LSG1: variants seen among roughly 807,000 people sequenced by gnomAD.
LSG1 encodes the protein large 60S subunit nuclear export GTPase 1.
A neutral mutation model predicts 82.6 loss-of-function variants in LSG1; 55 were observed. The ratio of observed to expected loss-of-function variants is 0.67; its 90% confidence interval spans 0.54 to 0.83. The LOEUF (loss-of-function observed/expected upper bound fraction) is 0.83, where lower values mean the gene tolerates loss of function less well. Ranked by LOEUF, LSG1 falls within the 40% of genes least tolerant of loss-of-function variation. The pLI is 0.00. For missense variants in LSG1, 809 were observed against 807.9 expected, an observed-to-expected ratio of 1.00 and a Z score of -0.02; for synonymous variants, 272 against 282.5, an observed-to-expected ratio of 0.96 and a Z score of 0.37.
intron 11 of LSG1, 92 bp downstream of exon 11, chr3:194,648,589 G>C: frequency 7.5e-7 from 1 of 1,332,620 alleles, no homozygotes; most frequent in African/African-American, 1.5e-5. Context: ...TATCTTTGCA[G>C]AACAGCAATT....
In LSG1 at chr3:194,642,123, C is replaced by T. The variant is rs1051256038; in HGVS notation, c.1922G>A (p.Gly641Asp). The T allele has an allele frequency of 4.3e-6, 7 of 1,613,690 alleles. No homozygotes were observed. Among genetic ancestry groups the T allele is most frequent in the Non-Finnish European group, 5.9e-6 (7 of 1,180,024 alleles). ...ACTTTTTTCTTTTTTATTTCTGTTG[C>T]CATGTTTTTTCCAGGGCTTCCCCGC... The part of the protein sequence containing the change: ...NGAGKPWKKH[G>D]NRNKKEKSRR... The change falls in exon 14 of 14, where the codon GGC becomes GAC. Residue 641 changes from glycine (G) to aspartate (D), a missense_variant. Physicochemically the swap from Gly to Asp is moderately conservative, Grantham distance 94. Coordinates refer to ENST00000265245, the MANE Select transcript of LSG1 (RefSeq NM_018385.3).
intron 11 of LSG1, among the ~76,000 whole-genome samples, chr3:194,648,075 ATTTTT>A (rs990548703): frequency 1.7e-5 from 2 of 117,932 alleles, no homozygotes; most frequent in African/African-American, 3.2e-5. Context: ...CCACACTGCT[ATTTTT>A]TTTTTTTTTT....
intron 7 of LSG1, among the ~76,000 whole-genome samples, chr3:194,653,641 C>A (rs1160447338): frequency 1.3e-5 from 2 of 152,140 alleles, no homozygotes; most frequent in Non-Finnish European, 2.9e-5. Context: ...AGGGTGGCGC[C>A]CTCCTGGAGG....
chr3:194,670,216 T>C (rs1411335492), intron 1 of LSG1, 81 bp from the exon 2 acceptor site: 4 of 1,466,772 alleles, frequency 2.7e-6, no homozygotes, highest in East Asian at 2.3e-5. Context: ...TCCTTGCAAC[T>C]AGTCTATGGT....
At chr3:194,650,714 A>T (rs1402307480) in intron 10 of LSG1, 167 bp downstream of exon 10, 28 of 636,114 alleles carry the variant, frequency 4.4e-5, no homozygotes, top group Non-Finnish European at 7.1e-5. Context: ...GAAATCAGGA[A>T]ATGAGGTTCT....
At position 194,641,385 on chromosome 3, in the gene LSG1, A is replaced by G. The variant is rs1345651104; in HGVS notation, c.*683T>C. ...ATATGGAGATTTGCTTATTCTGGAC[A>G]TTTTAAATAAGTGGAATAACCAGTG... On this transcript the variant is annotated 3_prime_UTR_variant, in exon 14 of 14. Coordinates refer to ENST00000265245, the MANE Select transcript of LSG1 (RefSeq NM_018385.3). 2 of 152,164 alleles carry G rather than the reference A, an allele frequency of 1.3e-5. No individual in the cohort carries two copies. The highest frequency in any genetic ancestry group is 4.8e-5 in the African/African-American group (2 of 41,438). The allele number at this position is 152,164 out of a possible 1,614,324, so 9.4% of individuals were successfully genotyped here.
rs945560313 is a variant in LSG1, at chr3:194,641,361, T to C, written c.*707A>G. ...AGCAACCACTAATCTACTTCCTCTA[T>C]ATGGAGATTTGCTTATTCTGGACAT... On this transcript the variant is annotated 3_prime_UTR_variant, in exon 14 of 14. Coordinates refer to ENST00000265245, the MANE Select transcript of LSG1 (RefSeq NM_018385.3). The C allele has an allele frequency of 6.6e-6, 1 of 152,172 alleles. No homozygotes were observed. The highest frequency in any genetic ancestry group is 1.5e-5 in the Non-Finnish European group (1 of 68,038). 9.4% of individuals were successfully genotyped at this position (152,172 alleles called of 1,614,324 possible). A position where few individuals can be genotyped will look rare whatever the true frequency, so the allele number is the denominator to read the frequency against.
chr3:194,662,187 G>C (rs1718947499), intron 5 of LSG1, among the ~76,000 whole-genome samples: 1 of 152,226 alleles, frequency 6.6e-6, no homozygotes, highest in African/African-American at 2.4e-5. Context: ...TGAGCTCATA[G>C]GTCGGCTACC....
rs183725395 is a variant in LSG1, at chr3:194,658,202, C to T, written c.759+755G>A. The stretch of plus-strand genomic sequence containing the variant: ...CGCTCTTGTTGCCCAGGCTGGAGTG[C>T]ACTGGCATGATCTCGGTTCACTACA... On this transcript the variant is annotated intron_variant, in intron 7 of 13. Transcript: ENST00000265245. Among the ~76,000 whole-genome samples the T allele has an allele frequency of 7.8e-4, 119 of 152,266 alleles. No individual in the cohort carries two copies. In the Middle Eastern group the frequency reaches 0.014, roughly 17 times the overall value.
At chr3:194,652,237 G>A (rs186890080) in intron 8 of LSG1, among the ~76,000 whole-genome samples, 33 of 152,342 alleles carry the variant, frequency 2.2e-4, no homozygotes, top group African/African-American at 7.0e-4. Flanking sequence ...GGGTATGTAA[G>A]GCTGGGGATG....
At position 194,660,237 on chromosome 3, in the gene LSG1, C is replaced by G. The variant is rs140193089; in HGVS notation, c.522-104G>C. The G allele has an allele frequency of 1.9e-5, 16 of 848,024 alleles. No individual in the cohort carries two copies. The East Asian group carries it at 3.7e-4, about 20-fold the overall frequency. The allele number at this position is 848,024 out of a possible 1,614,324, so 52.5% of individuals were successfully genotyped here. A position where few individuals can be genotyped will look rare whatever the true frequency, so the allele number is the denominator to read the frequency against. On this transcript the variant is annotated intron_variant, in intron 5 of 13. Coordinates refer to ENST00000265245, the MANE Select transcript of LSG1 (RefSeq NM_018385.3). The stretch of plus-strand genomic sequence containing the variant: ...GCAAACCCTGGCAATATATTAAGCA[C>G]TGGACATATATTAACTTTTTAAGGT...
chr3:194,665,083 A>T (rs374335313), intron 5 of LSG1, among the ~76,000 whole-genome samples: 45 of 152,310 alleles, frequency 3.0e-4, no homozygotes, highest in African/African-American at 1.0e-3. Flanking sequence ...ACTACGTATT[A>T]AGTTTTCTGA....
chr3:194,644,896 T>C (rs1407044454), intron 12 of LSG1, 150 bp from the exon 13 acceptor site: 16 of 510,364 alleles, frequency 3.1e-5, no homozygotes, highest in Non-Finnish European at 5.3e-5. Context: ...AGCTGAAGAG[T>C]CCTTTTTCTA....
At chr3:194,645,597 C>CACACAGACAGACAGACAG (rs1718532661) in intron 12 of LSG1, among the ~76,000 whole-genome samples, 1 of 112,514 alleles carries the variant, frequency 8.9e-6, no homozygotes, top group African/African-American at 3.6e-5. Context: ...CACACACACA[C>CACACAGACAGACAGACAG]ACACACACAC....
rs186206462 is a variant in LSG1, at chr3:194,641,819, T to G, written c.*249A>C. ...TTAGTAGAGACGGGGTTTCTCCATG[T>G]TGGTGCGTGAGCCACTGTGCCCGGC... On this transcript the variant is annotated 3_prime_UTR_variant, in exon 14 of 14. Coordinates refer to ENST00000265245, the MANE Select transcript of LSG1 (RefSeq NM_018385.3). 8.4e-6 allele frequency: 3 copies of G among 358,860 alleles called. No homozygotes were observed. Among genetic ancestry groups the G allele is most frequent in the Non-Finnish European group, 1.5e-5 (3 of 200,738 alleles). The allele number at this position is 358,860 out of a possible 1,614,324, so 22.2% of individuals were successfully genotyped here. A position where few individuals can be genotyped will look rare whatever the true frequency, so the allele number is the denominator to read the frequency against.
At position 194,648,764 on chromosome 3, in the gene LSG1, T is replaced by C. The variant is rs757694797; in HGVS notation, c.1460A>G (p.Tyr487Cys). 8.7e-6 allele frequency: 14 copies of C among 1,613,980 alleles called. No homozygotes were observed. Among genetic ancestry groups the C allele is most frequent in the Non-Finnish European group, 1.2e-5 (14 of 1,179,974 alleles). Residue 487 changes from tyrosine to cysteine, a missense_variant, in exon 11 of 14, where the codon TAT (tyrosine) becomes TGT (cysteine). By Grantham distance (194) the Tyr-to-Cys change is radical (BLOSUM62 -2). Transcript: ENST00000265245. ...NIPRHVLEATYGINIITPRED... is the reference protein window; with the variant it reads ...NIPRHVLEATCGINIITPRED... Reference sequence around the variant, plus strand: ...TCTAGGCGTTATGATGTTAATGCCATAGGTAGCTTCTAAAACATGTCTTGG... The same window carrying C: ...TCTAGGCGTTATGATGTTAATGCCACAGGTAGCTTCTAAAACATGTCTTGG...
chr3:194,658,185 T>A (rs1362375381), intron 7 of LSG1, among the ~76,000 whole-genome samples: 1 of 152,210 alleles, frequency 6.6e-6, no homozygotes, highest in Non-Finnish European at 1.5e-5. Context: ...TTCGCTCTTG[T>A]TGCCCAGGCT....
chr3:194,662,017 C>T (rs1718943315), intron 5 of LSG1, among the ~76,000 whole-genome samples: 1 of 152,138 alleles, frequency 6.6e-6, no homozygotes, highest in Admixed American at 6.5e-5. Context: ...AGGCTGAAAC[C>T]CATTAGGATA....
intron 7 of LSG1, among the ~76,000 whole-genome samples, chr3:194,656,525 T>C (rs1044525911): frequency 2.0e-5 from 3 of 151,892 alleles, no homozygotes; most frequent in Admixed American, 6.6e-5. Context: ...TGTGGAGAAA[T>C]AGGAAAACTT....
Sources: allele counts gnomAD v4.1 joint callset (sites outside exome capture counted in the v4.1 genomes callset), GRCh38; gene constraint gnomAD v4.1.1; transcripts MANE v1.5; gene names NCBI Gene and HGNC (gene_info 2026-07-23, HGNC 2026-07-21).